Variants in STX7 observed in about 807,000 individuals in gnomAD.
STX7 encodes the protein syntaxin 7, also known as syntaxin-7.
Under a neutral mutation model 39.6 loss-of-function variants are expected in STX7, and 34 were observed. That is an observed-to-expected ratio of 0.86 (90% CI 0.65 to 1.14). The LOEUF (loss-of-function observed/expected upper bound fraction) is 1.14, where lower values mean the gene tolerates loss of function less well. Ranked by LOEUF, STX7 falls within the 50% of genes most tolerant of loss-of-function variation. The pLI is 0.00. For missense variants in STX7, 284 were observed against 310.4 expected (o/e 0.92, Z 0.64); for synonymous variants, 119 against 99.1 (o/e 1.20, Z -1.19).
chr6:132,475,125 ATT>A (rs200801252), intron 3 of STX7, among the ~76,000 whole-genome samples: 10 of 144,418 alleles, frequency 6.9e-5, no homozygotes, highest in East Asian at 4.0e-4. Flanking sequence ...CTATCAAGGA[ATT>A]TTTTTTTTTT....
intron 5 of STX7, 121 bp downstream of exon 5, chr6:132,471,342 G>C (rs972058110): frequency 1.8e-6 from 2 of 1,129,010 alleles, no homozygotes; most frequent in Non-Finnish European, 1.2e-6. Context: ...AAATATTCAA[G>C]AGCTGATTTC....
At chr6:132,493,912 A>C (rs762569607) in intron 2 of STX7, among the ~76,000 whole-genome samples, 2 of 152,236 alleles carry the variant, frequency 1.3e-5, no homozygotes, top group African/African-American at 4.8e-5. Context: ...ACAACTAACC[A>C]TGAATATGTG....
At chr6:132,472,848 G>C (rs1326328310) in intron 3 of STX7, among the ~76,000 whole-genome samples, 1 of 147,124 alleles carries the variant, frequency 6.8e-6, no homozygotes, top group Non-Finnish European at 1.5e-5. Flanking sequence ...ATATGCTATA[G>C]ATACTTAAAA....
chr6:132,509,466 ACAT>A (rs1562343508), intron 1 of STX7, among the ~76,000 whole-genome samples: 811 of 10,962 alleles, frequency 0.074, 105 homozygotes, highest in African/African-American at 0.097. Flanking sequence ...ACATAACATA[ACAT>A]AACATAACAT....
rs1775632068 is a variant in STX7, at chr6:132,503,587, AC to A, written c.-58del. ...ATGCTGTGCAGTTTTCTAAGCAGTC[AC>A]CTAAATAATATAAAAGTCACACAGA... On this transcript the variant is annotated splice_region_variant and 5_prime_UTR_variant, in exon 2 of 10. Coordinates refer to ENST00000367941, the MANE Select transcript of STX7 (RefSeq NM_003569.3). 1 of 1,347,046 alleles carries A rather than the reference AC, an allele frequency of 7.4e-7. No homozygotes were observed. Among genetic ancestry groups the A allele is most frequent in the Non-Finnish European group, 1.1e-6 (1 of 946,506 alleles). 83.4% of individuals were successfully genotyped at this position (1,347,046 alleles called of 1,614,324 possible).
intron 9 of STX7, chr6:132,461,620 A>T: frequency 1.9e-6 from 1 of 520,788 alleles, no homozygotes; most frequent in Non-Finnish European, 3.4e-6. Context: ...CCTCACACAT[A>T]TTTCTTGTTT....
chr6:132,486,664 GTTT>G (rs386408642), intron 2 of STX7, among the ~76,000 whole-genome samples: 4 of 125,138 alleles, frequency 3.2e-5, no homozygotes, highest in African/African-American at 9.1e-5. Context: ...TTTTTTCTGG[GTTT>G]TTTTTTTTTT....
chr6:132,476,444 A>G (rs1774877077), intron 2 of STX7, among the ~76,000 whole-genome samples: 1 of 152,178 alleles, frequency 6.6e-6, no homozygotes, highest in African/African-American at 2.4e-5. Flanking sequence ...CGTCAATGTC[A>G]CAAAAGGGAA....
chr6:132,498,025 G>A (rs1394148759), intron 2 of STX7, among the ~76,000 whole-genome samples: 1 of 152,202 alleles, frequency 6.6e-6, no homozygotes, highest in Non-Finnish European at 1.5e-5. Flanking sequence ...GAAAAAGACT[G>A]GATGGCATGC....
In STX7 at chr6:132,455,886, A is replaced by G. The variant is rs960119644; in HGVS notation, c.*4872T>C. On this transcript the variant is annotated 3_prime_UTR_variant, in exon 10 of 10. Transcript: ENST00000367941. ...TTATTCCTATTTGATTTAAAAGAAA[A>G]AGATTTGCCAAGGGATGGGTAGGGT... 1 of 152,214 alleles carries G rather than the reference A, an allele frequency of 6.6e-6. No homozygotes were observed. Among genetic ancestry groups the G allele is most frequent in the Admixed American group, 6.5e-5 (1 of 15,278 alleles). 9.4% of individuals were successfully genotyped at this position (152,214 alleles called of 1,614,324 possible).
Position 132,454,355 on chromosome 6 carries a change from T to C in STX7, c.*6403A>G, listed in dbSNP as rs549426857. 1 of 152,310 alleles carries C rather than the reference T, an allele frequency of 6.6e-6. No individual in the cohort carries two copies. Among genetic ancestry groups the C allele is most frequent in the East Asian group, 1.9e-4 (1 of 5,192 alleles). 9.4% of individuals were successfully genotyped at this position (152,310 alleles called of 1,614,324 possible). On this transcript the variant is annotated 3_prime_UTR_variant, in exon 10 of 10. Coordinates refer to ENST00000367941, the MANE Select transcript of STX7 (RefSeq NM_003569.3). ...GGGATCCCTGTGCTAGAAAAAGTTCTGTGTGGAAACGTTCTCTATCTTAGC... is the reference window on the plus strand; with the variant it reads ...GGGATCCCTGTGCTAGAAAAAGTTCCGTGTGGAAACGTTCTCTATCTTAGC...
chr6:132,502,509 T>C (rs1775593680), intron 2 of STX7, among the ~76,000 whole-genome samples: 2 of 152,216 alleles, frequency 1.3e-5, no homozygotes, highest in African/African-American at 2.4e-5. Context: ...AAATCTGCTA[T>C]AATGATTTTT....
At chr6:132,462,648 A>G (rs1200722804) in intron 9 of STX7, among the ~76,000 whole-genome samples, 3 of 151,350 alleles carry the variant, frequency 2.0e-5, no homozygotes, top group East Asian at 3.9e-4. Flanking sequence ...AGGGATACCT[A>G]AAGTCCATGA....
rs1326495603 is a variant in STX7, at chr6:132,450,285, C to T, written c.*10473G>A. 1 of 152,040 alleles carries T rather than the reference C, an allele frequency of 6.6e-6. No homozygotes were observed. The highest frequency in any genetic ancestry group is 1.9e-4 in the East Asian group (1 of 5,186). The allele number at this position is 152,040 out of a possible 1,614,324, so 9.4% of individuals were successfully genotyped here. A position where few individuals can be genotyped will look rare whatever the true frequency, so the allele number is the denominator to read the frequency against. ...GGCAGGAAGCAGAAATCATCTACTTCGTAGTTGATTTTGGTAATTTGCATT... is the reference window on the plus strand; with the variant it reads ...GGCAGGAAGCAGAAATCATCTACTTTGTAGTTGATTTTGGTAATTTGCATT... On this transcript the variant is annotated 3_prime_UTR_variant, in exon 10 of 10. Coordinates refer to ENST00000367941, the MANE Select transcript of STX7 (RefSeq NM_003569.3).
At chr6:132,473,735 T>C (rs531458424) in intron 3 of STX7, among the ~76,000 whole-genome samples, 63 of 152,266 alleles carry the variant, frequency 4.1e-4, no homozygotes, top group African/African-American at 1.5e-3. Context: ...ATATATTTCA[T>C]CTCATTTTAA....
chr6:132,461,839 T>C, intron 9 of STX7: 1 of 1,542,650 alleles, frequency 6.5e-7, no homozygotes, highest in Non-Finnish European at 8.8e-7. Flanking sequence ...GTACCTCACA[T>C]CAACATGCAG....
intron 1 of STX7, among the ~76,000 whole-genome samples, chr6:132,504,516 G>A (rs1010877071): frequency 2.0e-5 from 3 of 152,136 alleles, no homozygotes; most frequent in Admixed American, 6.5e-5. Context: ...TTCAACTACC[G>A]CCACCCCATC....
At chr6:132,464,123 G>A (rs781682752) in intron 8 of STX7, 48 bp from the exon 9 acceptor site, 8 of 1,510,238 alleles carry the variant, frequency 5.3e-6, no homozygotes, top group South Asian at 1.1e-5. Flanking sequence ...ATGGATTGAT[G>A]CTCCAGTAAC....
At position 132,457,697 on chromosome 6, in the gene STX7, G is replaced by T. The variant is rs1774275803; in HGVS notation, c.*3061C>A. The T allele has an allele frequency of 6.6e-6, 1 of 151,996 alleles. No homozygotes were observed. The highest frequency in any genetic ancestry group is 2.1e-4 in the South Asian group (1 of 4,824). 9.4% of individuals were successfully genotyped at this position (151,996 alleles called of 1,614,324 possible). ...AACTTTTTTTTTTCCAGGAAAGACA[G>T]ATGTTATTTACCACCAATGAATTTT... On this transcript the variant is annotated 3_prime_UTR_variant, in exon 10 of 10. Transcript: ENST00000367941.
Sources: allele counts gnomAD v4.1 joint callset (sites outside exome capture counted in the v4.1 genomes callset), GRCh38; gene constraint gnomAD v4.1.1; transcripts MANE v1.5; gene names NCBI Gene and HGNC (gene_info 2026-07-23, HGNC 2026-07-21).